Variants in SCUBE3 observed in about 807,000 individuals in gnomAD.
The protein encoded by SCUBE3 is signal peptide, CUB domain and EGF like domain containing 3, also known as signal peptide, CUB and EGF-like domain-containing protein 3.
In SCUBE3, 33 loss-of-function variants were observed where a neutral mutation model predicts 116.8. The observed-to-expected ratio is 0.28, with a 90% confidence interval of 0.21 to 0.38. The LOEUF is 0.38. Among genes scored for constraint, SCUBE3 ranks in the 10% least tolerant of loss-of-function variants. The pLI is 1.00. For synonymous variants in SCUBE3, 418 were observed against 496.9 expected (o/e 0.84, Z 2.11); for missense variants, 1,007 against 1,324.8 (o/e 0.76, Z 3.72).
chr6:35,242,529 T>G, intron 13 of SCUBE3, 93 bp from the exon 14 acceptor site: 2 of 1,174,594 alleles, frequency 1.7e-6, no homozygotes, highest in South Asian at 1.4e-5. Flanking sequence ...GATTGAGAGA[T>G]AGTTACAGTT....
At chr6:35,237,369 G>A (rs538821635) in intron 6 of SCUBE3, among the ~76,000 whole-genome samples, 3 of 152,296 alleles carry the variant, frequency 2.0e-5, no homozygotes, top group African/African-American at 4.8e-5. Flanking sequence ...GCTAGGCAGC[G>A]GGGAAGGGGA....
At chr6:35,242,512 A>C in intron 13 of SCUBE3, 110 bp from the exon 14 acceptor site, 1 of 1,115,806 alleles carries the variant, frequency 9.0e-7, no homozygotes. Flanking sequence ...ACCCTAGACT[A>C]AAACAGGATT....
intron 3 of SCUBE3, among the ~76,000 whole-genome samples, chr6:35,229,633 C>G (rs542703381): frequency 1.3e-5 from 2 of 152,292 alleles, no homozygotes; most frequent in African/African-American, 4.8e-5. Flanking sequence ...TCCAGTCTCA[C>G]CCTCTCCTCA....
rs117061512 is a variant in SCUBE3, at chr6:35,234,255, T to G, written c.712+954T>G. Among the ~76,000 whole-genome samples, 118 of 152,276 alleles carry G rather than the reference T, an allele frequency of 7.7e-4. 1 individual carries two copies. In the East Asian group the frequency reaches 0.018, roughly 24 times the overall value. On this transcript the variant is annotated intron_variant, in intron 6 of 21. Transcript: ENST00000274938. ...AGCTTGCTGTGTGGGCATAGGTGTT[T>G]ATGAATGACTGTCCATCTGGTGGGC...
At chr6:35,223,919 T>C (rs1421642563) in intron 1 of SCUBE3, 2 of 152,206 alleles carry the variant, frequency 1.3e-5, no homozygotes, top group Admixed American at 6.5e-5. Context: ...AAGGGACATC[T>C]TCCTCAGCAG....
In SCUBE3 at chr6:35,242,218, T is replaced by C. The variant is rs776208928; in HGVS notation, c.1432T>C (p.Ser478Pro). The C allele has an allele frequency of 1.9e-6, 3 of 1,613,106 alleles. No homozygotes were observed. The highest frequency in any genetic ancestry group is 1.1e-5 in the South Asian group (1 of 91,032). The change falls in exon 13 of 22, where the codon TCC becomes CCC. Residue 478 changes from serine (S) to proline (P), a missense_variant. Ser to Pro is a moderately conservative substitution (Grantham distance 74). Coordinates refer to ENST00000274938, the MANE Select transcript of SCUBE3 (RefSeq NM_152753.4). ...SNHCHEAAVL[S>P]IKQRASFKIK... ...CATCCCTCTAGAGGCTGCAGTGCTG[T>C]CCATTAAACAACGGGCCTCCTTCAA...
rs980273673 is a variant in SCUBE3, at chr6:35,250,650, G to A, written c.*1945G>A. ...AATTATTTTCTGTTTTCTCACTCTAGTTCCCCCAAAGCTGTAGTCCCAATC... is the reference window on the plus strand; with the variant it reads ...AATTATTTTCTGTTTTCTCACTCTAATTCCCCCAAAGCTGTAGTCCCAATC... On this transcript the variant is annotated 3_prime_UTR_variant, in exon 22 of 22. Transcript: ENST00000274938. The A allele has an allele frequency of 5.3e-5, 8 of 151,376 alleles. No individual in the cohort carries two copies. Among genetic ancestry groups the A allele is most frequent in the Non-Finnish European group, 1.0e-4 (7 of 67,982 alleles). 9.4% of individuals were successfully genotyped at this position (151,376 alleles called of 1,614,324 possible). A position where few individuals can be genotyped will look rare whatever the true frequency, so the allele number is the denominator to read the frequency against.
intron 1 of SCUBE3, among the ~76,000 whole-genome samples, chr6:35,227,233 A>C (rs562273839): frequency 2.6e-5 from 4 of 152,300 alleles, no homozygotes. Flanking sequence ...CCTTCTCCGT[A>C]AACTCATTCA....
rs143354895 is a variant in SCUBE3 at position 35,243,650 on chromosome 6, C to T, written c.1966C>T (p.Pro656Ser). 142 of 1,614,046 alleles carry T rather than the reference C, an allele frequency of 8.8e-5. No individual in the cohort carries two copies. In the African/African-American group the frequency reaches 1.7e-3, roughly 20 times the overall value. Residue 656 changes from proline to serine, a missense_variant, in exon 16 of 22, where the codon CCA (proline) becomes TCA (serine). By Grantham distance (74) the Pro-to-Ser change is moderately conservative (BLOSUM62 -1). Around this residue, in one of 5 missense-constraint regions of SCUBE3, gnomAD observed 544 missense variants for 638.9 expected, o/e 0.85. Coordinates refer to ENST00000274938, the MANE Select transcript of SCUBE3 (RefSeq NM_152753.4). The surrounding 1 kb of genome is among the most constrained non-coding windows in gnomAD (Gnocchi z 6.6). Reference protein sequence around the residue: ...HGQTEQCVPCPAGTFQEREGQ... With the variant: ...HGQTEQCVPCSAGTFQEREGQ... ...CCAGACGGAGCAGTGTGTGCCATGCCCAGCGGGCACCTTCCAGGAGAGAGA... is the reference window on the plus strand; with the variant it reads ...CCAGACGGAGCAGTGTGTGCCATGCTCAGCGGGCACCTTCCAGGAGAGAGA...
chr6:35,244,884 T>G lies in SCUBE3; in HGVS notation c.2401+73T>G. The G allele has an allele frequency of 6.8e-7, 1 of 1,466,824 alleles. No homozygotes were observed. Among genetic ancestry groups the G allele is most frequent in the Non-Finnish European group, 9.5e-7 (1 of 1,054,426 alleles). 90.9% of individuals were successfully genotyped at this position (1,466,824 alleles called of 1,614,324 possible). A position where few individuals can be genotyped will look rare whatever the true frequency, so the allele number is the denominator to read the frequency against. ...GCAGTGGACATCTAAAGGAGGGGTG[T>G]GAAACCAACAGGGAGCAGGGCTGGG... On this transcript the variant is annotated intron_variant, in intron 18 of 21. Transcript: ENST00000274938. This position sits in a 1 kb window ranked among gnomAD's most constrained non-coding sequence, Gnocchi z 4.3.
intron 2 of SCUBE3, 114 bp downstream of exon 2, chr6:35,227,816 A>C: frequency 8.2e-6 from 8 of 973,372 alleles, no homozygotes; most frequent in Non-Finnish European, 1.1e-5. Context: ...CCACTGGTCA[A>C]GTGGTGGGGG....
chr6:35,242,220 C>T lies in SCUBE3; in HGVS notation c.1434C>T (p.Ser478=). The T allele has an allele frequency of 6.2e-7, 1 of 1,613,326 alleles. No individual in the cohort carries two copies. Residue 478 remains serine, a synonymous_variant, in exon 13 of 22, where the codon TCC becomes TCT. Coordinates refer to ENST00000274938, the MANE Select transcript of SCUBE3 (RefSeq NM_152753.4). The stretch of plus-strand genomic sequence containing the variant: ...TCCCTCTAGAGGCTGCAGTGCTGTC[C>T]ATTAAACAACGGGCCTCCTTCAAGA... The part of the protein sequence containing the change: ...SNHCHEAAVL[S]IKQRASFKIK...
chr6:35,240,283 G>A lies in SCUBE3; in HGVS notation c.953-91G>A, dbSNP rs961599391. On this transcript the variant is annotated intron_variant, in intron 8 of 21. Transcript: ENST00000274938. This position sits in a 1 kb window ranked among gnomAD's most constrained non-coding sequence, Gnocchi z 4.6. Reference sequence around the variant, plus strand: ...AATAGGAACTCTTCAGTTCAAGGGGGAAAGCCAAGGCCCCTCACTTGGGTC... The same window carrying A: ...AATAGGAACTCTTCAGTTCAAGGGGAAAAGCCAAGGCCCCTCACTTGGGTC... 1.3e-5 allele frequency: 9 copies of A among 679,488 alleles called. No individual in the cohort carries two copies. Among genetic ancestry groups the A allele is most frequent in the African/African-American group, 1.3e-4 (7 of 54,396 alleles). 42.1% of individuals were successfully genotyped at this position (679,488 alleles called of 1,614,324 possible).
rs767428598 is a variant in SCUBE3 at position 35,240,344 on chromosome 6, A to G, written c.953-30A>G. 2 of 1,414,994 alleles carry G rather than the reference A, an allele frequency of 1.4e-6. No individual in the cohort carries two copies. The highest frequency in any genetic ancestry group is 2.5e-5 in the South Asian group (2 of 80,540). The allele number at this position is 1,414,994 out of a possible 1,614,324, so 87.7% of individuals were successfully genotyped here. Reference sequence around the variant, plus strand: ...GCAAGGGTCAAGTGCTCCAAGACAGATTCAGTGGCTTGAATCTTTGCTCTT... The same window carrying G: ...GCAAGGGTCAAGTGCTCCAAGACAGGTTCAGTGGCTTGAATCTTTGCTCTT... On this transcript the variant is annotated intron_variant, in intron 8 of 21. Coordinates refer to ENST00000274938, the MANE Select transcript of SCUBE3 (RefSeq NM_152753.4). This position sits in a 1 kb window ranked among gnomAD's most constrained non-coding sequence, Gnocchi z 4.6.
intron 2 of SCUBE3, 22 bp downstream of exon 2, chr6:35,227,724 G>A (rs781352410): frequency 6.2e-7 from 1 of 1,613,756 alleles, no homozygotes; most frequent in Admixed American, 1.7e-5. Flanking sequence ...AGGGCACCTG[G>A]AGGAGAGGGA....
Position 35,239,980 on chromosome 6 carries a change from G to C in SCUBE3, c.952+106G>C. On this transcript the variant is annotated intron_variant, in intron 8 of 21. Transcript: ENST00000274938. The surrounding 1 kb of genome is among the most constrained non-coding windows in gnomAD (Gnocchi z 4.1). The stretch of plus-strand genomic sequence containing the variant: ...TTAGAAACTCAATAGATATCACACA[G>C]AGTCTCTAGAGGCAGTGTCATCCTG... 1 of 962,990 alleles carries C rather than the reference G, an allele frequency of 1.0e-6. No individual in the cohort carries two copies. The highest frequency in any genetic ancestry group is 1.5e-6 in the Non-Finnish European group (1 of 671,940). 59.7% of individuals were successfully genotyped at this position (962,990 alleles called of 1,614,324 possible).
At chr6:35,226,045 T>C (rs1273489874) in intron 1 of SCUBE3, among the ~76,000 whole-genome samples, 1 of 152,230 alleles carries the variant, frequency 6.6e-6, no homozygotes, top group Non-Finnish European at 1.5e-5. Flanking sequence ...GGTTTCCCAG[T>C]TTCCAGCTGG....
At chr6:35,247,361 C>G (rs541412215) in intron 21 of SCUBE3, among the ~76,000 whole-genome samples, 2 of 144,986 alleles carry the variant, frequency 1.4e-5, no homozygotes, top group South Asian at 4.7e-4. Context: ...TTGCTTGGAC[C>G]GGGGAGGCAG....
chr6:35,243,558 G>A lies in SCUBE3; in HGVS notation c.1910-36G>A, dbSNP rs754707647. 1.4e-5 allele frequency: 21 copies of A among 1,536,714 alleles called. No homozygotes were observed. Among genetic ancestry groups the A allele is most frequent in the South Asian group, 3.6e-5 (3 of 82,266 alleles). On this transcript the variant is annotated intron_variant, in intron 15 of 21. Coordinates refer to ENST00000274938, the MANE Select transcript of SCUBE3 (RefSeq NM_152753.4). This position sits in a 1 kb window ranked among gnomAD's most constrained non-coding sequence, Gnocchi z 6.6. ...CCCAGGCCTGGGTGGTGGGAAATGC[G>A]GGGGTGGGTGGCTAGCGCGGCCGAC...
Sources: allele counts gnomAD v4.1 joint callset (sites outside exome capture counted in the v4.1 genomes callset), GRCh38; gene constraint gnomAD v4.1.1; regional missense constraint gnomAD v4.1.1; non-coding constraint Gnocchi (gnomAD v3.1); transcripts MANE v1.5; gene names NCBI Gene and HGNC (gene_info 2026-07-23, HGNC 2026-07-21).